Variants in CARMIL1 observed in about 807,000 individuals in gnomAD.
CARMIL1 encodes F-actin-uncapping protein LRRC16A.
A neutral mutation model predicts 177.1 loss-of-function variants in CARMIL1; 90 were observed. The observed-to-expected ratio is 0.51, with a 90% CI of 0.43 to 0.61. CARMIL1 has a LOEUF of 0.61. Among genes scored for constraint, CARMIL1 ranks in the 20% least tolerant of loss-of-function variants. The pLI is 0.00. For synonymous variants in CARMIL1, 577 were observed against 606.2 expected, an observed-to-expected ratio of 0.95 and a Z score of 0.71; for missense variants, 1,380 against 1,667.0, an observed-to-expected ratio of 0.83 and a Z score of 3.00.
At chr6:25,299,771 T>G (rs1254894836) in intron 2 of CARMIL1, among the ~76,000 whole-genome samples, 2 of 150,522 alleles carry the variant, frequency 1.3e-5, no homozygotes, top group African/African-American at 2.4e-5. Context: ...AGGTCAGGAG[T>G]TTTTGAGACC....
chr6:25,526,579 G>T (rs1342887485), intron 23 of CARMIL1, among the ~76,000 whole-genome samples: 2 of 148,918 alleles, frequency 1.3e-5, no homozygotes, highest in South Asian at 2.1e-4. Flanking sequence ...CTGAGACAAG[G>T]TCTCACTCTG....
At position 25,326,861 on chromosome 6, in the gene CARMIL1, C is replaced by G. The variant is rs1051628062; in HGVS notation, c.138+41952C>G. 3.3e-5 allele frequency among the ~76,000 whole-genome samples: 5 copies of G among 152,162 alleles called. No individual in the cohort carries two copies. The highest frequency in any genetic ancestry group is 1.2e-4 in the African/African-American group (5 of 41,526). On this transcript the variant is annotated intron_variant, in intron 2 of 36. Coordinates refer to ENST00000329474, the MANE Select transcript of CARMIL1 (RefSeq NM_017640.6). This position sits in a 1 kb window ranked among gnomAD's most constrained non-coding sequence, Gnocchi z 4.2. ...TTCAAGACGGAATCCCACTGTCACC[C>G]AGGCTGGAGTGCAGTGGCATGATCT...
intron 8 of CARMIL1, among the ~76,000 whole-genome samples, chr6:25,459,269 T>TCGTTC (rs56094712): frequency 8.5e-6 from 1 of 118,170 alleles, no homozygotes; most frequent in East Asian, 2.9e-4. Flanking sequence ...TTTCTTTCTT[T>TCGTTC]TTTTTTTTTT....
At chr6:25,280,846 A>G (rs1374600969) in intron 1 of CARMIL1, among the ~76,000 whole-genome samples, 1 of 152,092 alleles carries the variant, frequency 6.6e-6, no homozygotes, top group Non-Finnish European at 1.5e-5. Context: ...ACAGCTCACA[A>G]AGATGATGTT....
chr6:25,547,382 T>G (rs1479562871), intron 26 of CARMIL1, among the ~76,000 whole-genome samples: 1 of 152,128 alleles, frequency 6.6e-6, no homozygotes, highest in Non-Finnish European at 1.5e-5. Context: ...ACAAGAAGGT[T>G]GGTAGTCTTG....
chr6:25,452,881 C>T (rs560870586), intron 8 of CARMIL1, among the ~76,000 whole-genome samples: 1 of 152,298 alleles, frequency 6.6e-6, no homozygotes, highest in African/African-American at 2.4e-5. Flanking sequence ...CACCAAAACT[C>T]AACAAGTGGT....
At chr6:25,593,147 A>G (rs974268325) in intron 31 of CARMIL1, among the ~76,000 whole-genome samples, 1 of 152,180 alleles carries the variant, frequency 6.6e-6, no homozygotes, top group Non-Finnish European at 1.5e-5. Flanking sequence ...CCCTAGAACC[A>G]TGTCCCCATT....
At chr6:25,401,990 GT>G (rs761702635) in intron 2 of CARMIL1, among the ~76,000 whole-genome samples, 125 of 139,028 alleles carry the variant, frequency 9.0e-4, no homozygotes, top group African/African-American at 1.4e-3. Context: ...TTTGCGTGTA[GT>G]TTTTTTTTTT....
intron 8 of CARMIL1, among the ~76,000 whole-genome samples, chr6:25,461,401 GA>G (rs1164580748): frequency 2.6e-5 from 4 of 152,198 alleles, no homozygotes; most frequent in African/African-American, 9.6e-5. Context: ...GCCACAGCAA[GA>G]ACAGTCAGGA....
chr6:25,604,756 A>G, intron 33 of CARMIL1, 56 bp from the exon 34 acceptor site: 1 of 1,339,286 alleles, frequency 7.5e-7, no homozygotes, highest in Non-Finnish European at 1.0e-6. Flanking sequence ...TTGTTTTTTC[A>G]CTTTTGCATT....
chr6:25,579,056 T>C (rs1812872684), intron 29 of CARMIL1, among the ~76,000 whole-genome samples: 1 of 151,570 alleles, frequency 6.6e-6, no homozygotes, highest in African/African-American at 2.4e-5. Context: ...GCAAATGTGA[T>C]TCTTTCTGTA....
chr6:25,389,608 T>C (rs1792543644), intron 2 of CARMIL1, among the ~76,000 whole-genome samples: 2 of 152,208 alleles, frequency 1.3e-5, no homozygotes, highest in African/African-American at 4.8e-5. Context: ...CTAGACACTA[T>C]GAAACATGAC....
rs116671496 is a variant in CARMIL1, at chr6:25,286,745, G to A, written c.138+1836G>A. ...ATTGGGGCTTGGTATTATTTGATAT[G>A]GAAATTATTATTATGCTAAGAACAA... On this transcript the variant is annotated intron_variant, in intron 2 of 36. Transcript: ENST00000329474. Among the ~76,000 whole-genome samples the A allele has an allele frequency of 8.9e-3, 1,358 of 152,200 alleles. 19 individuals carry two copies. Among genetic ancestry groups the A allele is most frequent in the African/African-American group, 0.028 (1,175 of 41,522 alleles).
chr6:25,441,337 A>ATGTGTGTGTGTGTG (rs1554196401), intron 5 of CARMIL1, among the ~76,000 whole-genome samples: 1,663 of 94,496 alleles, frequency 0.018, 31 homozygotes, highest in East Asian at 0.048. Flanking sequence ...ATATATATAT[A>ATGTGTGTGTGTGTG]TGTGTGTGTG....
At chr6:25,514,635 G>A (rs1805795494) in intron 20 of CARMIL1, among the ~76,000 whole-genome samples, 1 of 149,894 alleles carries the variant, frequency 6.7e-6, no homozygotes, top group South Asian at 2.1e-4. Context: ...AACAGATAAA[G>A]TTAAGGCTGA....
At chr6:25,285,447 AC>A (rs1781452043) in intron 2 of CARMIL1, among the ~76,000 whole-genome samples, 2 of 152,136 alleles carry the variant, frequency 1.3e-5, no homozygotes, top group South Asian at 4.1e-4. Flanking sequence ...TTGCGACTGG[AC>A]TTGGGGTTCC....
chr6:25,340,609 T>A (rs1014071642), intron 2 of CARMIL1, among the ~76,000 whole-genome samples: 5 of 152,096 alleles, frequency 3.3e-5, no homozygotes, highest in African/African-American at 1.2e-4. Context: ...CCTGGCCACC[T>A]ATCTTTGAGA....
At chr6:25,578,086 T>C (rs1330443773) in intron 29 of CARMIL1, among the ~76,000 whole-genome samples, 5 of 152,306 alleles carry the variant, frequency 3.3e-5, no homozygotes, top group South Asian at 4.1e-4. Flanking sequence ...GTGTTAACCA[T>C]TGATTGATGA....
At chr6:25,402,131 T>C (rs1207502485) in intron 2 of CARMIL1, among the ~76,000 whole-genome samples, 1 of 151,728 alleles carries the variant, frequency 6.6e-6, no homozygotes, top group East Asian at 1.9e-4. Context: ...AACTAAAAAA[T>C]GGTTAAACTA....
Sources: allele counts gnomAD v4.1 joint callset (sites outside exome capture counted in the v4.1 genomes callset), GRCh38; gene constraint gnomAD v4.1.1; non-coding constraint Gnocchi (gnomAD v3.1); transcripts MANE v1.5; gene names NCBI Gene and HGNC (gene_info 2026-07-23, HGNC 2026-07-21).